CDC20: variants seen among roughly 807,000 people sequenced by gnomAD.
CDC20 encodes the protein cell division cycle protein 20 homolog.
In CDC20, 34 loss-of-function variants were observed where a neutral mutation model predicts 60.0. The ratio of observed to expected loss-of-function variants is 0.57; its 90% CI spans 0.43 to 0.75. The LOEUF (loss-of-function observed/expected upper bound fraction) is 0.75, where lower values mean the gene tolerates loss of function less well. CDC20 is among the 30% of genes least tolerant of loss of function. The pLI is 0.00. For synonymous variants in CDC20, 198 were observed against 243.5 expected (o/e 0.81, Z 1.74); for missense variants, 469 against 647.3 (o/e 0.72, Z 2.99).
rs1430272133 is a variant in CDC20, at chr1:43,363,058, C to T, written c.1429C>T (p.Pro477Ser). The T allele has an allele frequency of 1.2e-6, 2 of 1,613,566 alleles. No individual in the cohort carries two copies. The highest frequency in any genetic ancestry group is 2.7e-5 in the African/African-American group (2 of 74,864). Residue 477 changes from proline (P) to serine (S), a missense_variant, in exon 11 of 11, where the codon CCT (proline) becomes TCT (serine). Physicochemically the swap from Pro to Ser is moderately conservative, Grantham distance 74. Coordinates refer to ENST00000310955, the MANE Select transcript of CDC20 (RefSeq NM_001255.3). ...LRLWRCFELDPARRREREKAS... is the reference protein window; with the variant it reads ...LRLWRCFELDSARRREREKAS... ...GCTATGGCGCTGTTTTGAGTTGGAC[C>T]CTGCGCGGCGGCGGGAGCGGGAGAA...
At chr1:43,362,836 G>C in intron 10 of CDC20, 115 bp from the exon 11 acceptor site, 1 of 754,664 alleles carries the variant, frequency 1.3e-6, no homozygotes, top group Non-Finnish European at 2.2e-6. Flanking sequence ...CTGCACTCCA[G>C]CCTGGGTGAC....
chr1:43,359,178 C>G lies in CDC20; in HGVS notation c.-38C>G, dbSNP rs1647157167. ...CTCCTTTCCTCCAGGGCTCCGTAGG[C>G]ACCAACTGCAAGGACCCCTCCCCCT... On this transcript the variant is annotated 5_prime_UTR_variant, in exon 2 of 11. Coordinates refer to ENST00000310955, the MANE Select transcript of CDC20 (RefSeq NM_001255.3). 6.2e-7 allele frequency: 1 copy of G among 1,606,042 alleles called. No individual in the cohort carries two copies. The highest frequency in any genetic ancestry group is 2.2e-5 in the East Asian group (1 of 44,832).
intron 10 of CDC20, 44 bp downstream of exon 10, chr1:43,362,356 G>A (rs1299864193): frequency 3.6e-6 from 3 of 835,944 alleles, no homozygotes; most frequent in South Asian, 1.4e-5. Flanking sequence ...GCCACATAAT[G>A]TATGACTGAA....
At position 43,360,426 on chromosome 1, in the gene CDC20, C is replaced by T. The variant is rs754513056; in HGVS notation, c.753+37C>T. ...CCAGTGCTGTCATTCTCACCAGTCC[C>T]AATGGGCTTGCACAGCTGGAGGATA... On this transcript the variant is annotated intron_variant, in intron 6 of 10. Coordinates refer to ENST00000310955, the MANE Select transcript of CDC20 (RefSeq NM_001255.3). 5 of 1,610,620 alleles carry T rather than the reference C, an allele frequency of 3.1e-6. No individual in the cohort carries two copies. The African/African-American group carries it at 4.0e-5, about 13-fold the overall frequency.
rs747796157 is a variant in CDC20, at chr1:43,363,064, C to T, written c.1435C>T (p.Arg479Trp). 3.2e-5 allele frequency: 51 copies of T among 1,613,548 alleles called. No homozygotes were observed. Among genetic ancestry groups the T allele is most frequent in the South Asian group, 4.4e-5 (4 of 90,960 alleles). The change falls in exon 11 of 11, where the codon CGG becomes TGG. Residue 479 changes from arginine (R) to tryptophan (W), a missense_variant. Physicochemically the swap from Arg to Trp is moderately radical, Grantham distance 101. Around this residue, in one of 5 missense-constraint regions of CDC20, gnomAD observed 72 missense variants for 77.9 expected, o/e 0.92. Transcript: ENST00000310955. The part of the protein sequence containing the change: ...LWRCFELDPA[R>W]RREREKASAA... ...GCGCTGTTTTGAGTTGGACCCTGCGCGGCGGCGGGAGCGGGAGAAGGCCAG... is the reference window on the plus strand; with the variant it reads ...GCGCTGTTTTGAGTTGGACCCTGCGTGGCGGCGGGAGCGGGAGAAGGCCAG...
intron 9 of CDC20, among the ~76,000 whole-genome samples, chr1:43,361,907 ATGTGACCTTTGGCAACCTATTGAACTTCC>A (rs1408581545): frequency 6.6e-6 from 1 of 152,254 alleles, no homozygotes; most frequent in Non-Finnish European, 1.5e-5. Context: ...CTAAACTTGA[ATGTGACCTTTGGCAACCTATTGAACTTCC>A]TTCTGATTGA....
Position 43,359,339 on chromosome 1 carries a change from C to T in CDC20, c.124C>T (p.Pro42Ser). 1 of 1,613,122 alleles carries T rather than the reference C, an allele frequency of 6.2e-7. No homozygotes were observed. Among genetic ancestry groups the T allele is most frequent in the Non-Finnish European group, 8.5e-7 (1 of 1,179,848 alleles). ...AKEAAGPAPS[P>S]MRAANRSHSA... The stretch of plus-strand genomic sequence containing the variant: ...GGAAGCCGCAGGCCCGGCCCCCTCA[C>T]CCATGCGGGCCGCCAACCGATCCCA... The change falls in exon 2 of 11, where the codon CCC (proline) becomes TCC (serine). Residue 42 changes from proline to serine, a missense_variant. Transcript: ENST00000310955.
intron 10 of CDC20, among the ~76,000 whole-genome samples, 194 bp from the exon 11 acceptor site, chr1:43,362,757 C>CGGGA (rs1287854162): frequency 6.6e-6 from 1 of 151,982 alleles, no homozygotes; most frequent in African/African-American, 2.4e-5. Context: ...CCCAGCTACT[C>CGGGA]GGGAGGCTGA....
intron 9 of CDC20, 111 bp downstream of exon 9, chr1:43,361,356 C>G (rs1647171903): frequency 9.3e-7 from 1 of 1,077,194 alleles, no homozygotes; most frequent in Non-Finnish European, 1.3e-6. Flanking sequence ...ACTTCTAACT[C>G]AGCTCTCACT....
In CDC20 at chr1:43,359,214, C is replaced by G; in HGVS notation, c.-2C>G. 6.2e-7 allele frequency: 1 copy of G among 1,611,624 alleles called. No homozygotes were observed. The highest frequency in any genetic ancestry group is 1.3e-5 in the African/African-American group (1 of 74,990). On this transcript the variant is annotated 5_prime_UTR_variant, in exon 2 of 11. Transcript: ENST00000310955. ...AGGACCCCTCCCCCTGCGGGCGCTC[C>G]CATGGCACAGTTCGCGTTCGAGAGT...
At position 43,359,191 on chromosome 1, in the gene CDC20, G is replaced by A. The variant is rs767900905; in HGVS notation, c.-25G>A. On this transcript the variant is annotated 5_prime_UTR_variant, in exon 2 of 11. Coordinates refer to ENST00000310955, the MANE Select transcript of CDC20 (RefSeq NM_001255.3). ...GGGCTCCGTAGGCACCAACTGCAAGGACCCCTCCCCCTGCGGGCGCTCCCA... is the reference window on the plus strand; with the variant it reads ...GGGCTCCGTAGGCACCAACTGCAAGAACCCCTCCCCCTGCGGGCGCTCCCA... 1.9e-6 allele frequency: 3 copies of A among 1,611,218 alleles called. No individual in the cohort carries two copies. The highest frequency in any genetic ancestry group is 2.5e-6 in the Non-Finnish European group (3 of 1,179,712).
At position 43,359,957 on chromosome 1, in the gene CDC20, C is replaced by G; in HGVS notation, c.428-12C>G. On this transcript the variant is annotated splice_polypyrimidine_tract_variant and intron_variant, in intron 4 of 10. Transcript: ENST00000310955. ...GATTTTCCCAGCGTCTAGACTCACT[C>G]CGTTGCCACAGGTTATCAGAACAGA... The G allele has an allele frequency of 1.2e-6, 2 of 1,614,098 alleles. No individual in the cohort carries two copies. The highest frequency in any genetic ancestry group is 8.5e-7 in the Non-Finnish European group (1 of 1,179,990).
Position 43,359,959 on chromosome 1 carries a change from G to T in CDC20, c.428-10G>T, listed in dbSNP as rs765680555. On this transcript the variant is annotated splice_polypyrimidine_tract_variant and intron_variant, in intron 4 of 10. Coordinates refer to ENST00000310955, the MANE Select transcript of CDC20 (RefSeq NM_001255.3). ...TTTTCCCAGCGTCTAGACTCACTCC[G>T]TTGCCACAGGTTATCAGAACAGACT... 5.0e-6 allele frequency: 8 copies of T among 1,613,932 alleles called. No individual in the cohort carries two copies. The African/African-American group carries it at 9.3e-5, about 19-fold the overall frequency.
rs774771408 is a variant in CDC20 at position 43,359,628 on chromosome 1, C to T, written c.320C>T (p.Pro107Leu). 20 of 1,613,662 alleles carry T rather than the reference C, an allele frequency of 1.2e-5. No individual in the cohort carries two copies. Among genetic ancestry groups the T allele is most frequent in the Non-Finnish European group, 1.7e-5 (20 of 1,180,030 alleles). ...AACCAGCCTGAAAACAGCCAGACGC[C>T]CACCAAGAAGGTATGTGTCCCAGAG... is the stretch of plus-strand genomic sequence containing the variant. ...KENQPENSQT[P>L]TKKEHQKAWA... The change falls in exon 3 of 11, where the codon CCC becomes CTC. Residue 107 changes from proline to leucine, a missense_variant. By Grantham distance (98) the Pro-to-Leu change is moderately conservative. This residue lies in a region of CDC20 where 115 missense variants were observed against 156.1 expected (regional missense o/e 0.74). Coordinates refer to ENST00000310955, the MANE Select transcript of CDC20 (RefSeq NM_001255.3).
In CDC20 at chr1:43,361,102, C is replaced by T. The variant is rs146864157; in HGVS notation, c.1078-18C>T. The T allele has an allele frequency of 4.3e-5, 70 of 1,614,020 alleles. No homozygotes were observed. Among genetic ancestry groups the T allele is most frequent in the Admixed American group, 6.7e-5 (4 of 60,024 alleles). Reference sequence around the variant, plus strand: ...GTCTGGCTCTAGTACCTGCTGACCCCACCTTTATTCCATCTAGGCCGTAGC... The same window carrying T: ...GTCTGGCTCTAGTACCTGCTGACCCTACCTTTATTCCATCTAGGCCGTAGC... On this transcript the variant is annotated intron_variant, in intron 8 of 10. Coordinates refer to ENST00000310955, the MANE Select transcript of CDC20 (RefSeq NM_001255.3).
chr1:43,361,302 T>G, intron 9 of CDC20, 57 bp downstream of exon 9: 1 of 1,484,852 alleles, frequency 6.7e-7, no homozygotes, highest in Non-Finnish European at 9.0e-7. Flanking sequence ...GCAACTACAT[T>G]CACTCCAATG....
intron 2 of CDC20, 23 bp from the exon 3 acceptor site, chr1:43,359,467 T>C: frequency 6.2e-7 from 1 of 1,613,962 alleles, no homozygotes; most frequent in South Asian, 1.1e-5. Flanking sequence ...CTGGTCAGAC[T>C]GTCTTCTCTT....
intron 10 of CDC20, among the ~76,000 whole-genome samples, 193 bp from the exon 11 acceptor site, chr1:43,362,757 CG>C (rs926340862): frequency 5.3e-5 from 8 of 152,100 alleles, no homozygotes; most frequent in Non-Finnish European, 8.8e-5. Context: ...CCCAGCTACT[CG>C]GGAGGCTGAG....
rs1647178949 is a variant in CDC20 at position 43,362,855 on chromosome 1, T to A, written c.1322-96T>A. The A allele has an allele frequency of 3.4e-6, 3 of 873,282 alleles. No homozygotes were observed. The South Asian group carries it at 5.4e-5, about 16-fold the overall frequency. The allele number at this position is 873,282 out of a possible 1,614,324, so 54.1% of individuals were successfully genotyped here. The stretch of plus-strand genomic sequence containing the variant: ...ACTCCAGCCTGGGTGACAGAGCAAG[T>A]CTCAAAAAAAACAAAAAGGTAGGTG... On this transcript the variant is annotated intron_variant, in intron 10 of 10. Coordinates refer to ENST00000310955, the MANE Select transcript of CDC20 (RefSeq NM_001255.3).
Sources: gnomAD v4.1 joint callset for allele counts (sites outside exome capture counted in the v4.1 genomes callset) on GRCh38, gnomAD v4.1.1 for gene constraint, gnomAD v4.1.1 regional missense constraint, MANE v1.5 for transcripts, NCBI Gene and HGNC (gene_info 2026-07-23, HGNC 2026-07-21) for gene names.